SWAP70: variants seen among roughly 807,000 people sequenced by gnomAD.
SWAP70 encodes switch-associated protein 70.
A neutral mutation model predicts 80.2 loss-of-function variants in SWAP70; 34 were observed. The ratio of observed to expected loss-of-function variants is 0.42; its 90% CI spans 0.32 to 0.56. SWAP70 has a LOEUF of 0.56. SWAP70 is among the 20% of genes least tolerant of loss of function. The pLI, the probability that SWAP70 is intolerant of heterozygous loss-of-function variation, is 0.09. For synonymous variants in SWAP70, 239 were observed against 238.5 expected (o/e 1.00, Z -0.02); for missense variants, 578 against 690.7 (o/e 0.84, Z 1.83).
intron 2 of SWAP70, 138 bp downstream of exon 2, chr11:9,694,424 A>G (rs1850730625): frequency 1.6e-5 from 17 of 1,031,724 alleles, no homozygotes; most frequent in Non-Finnish European, 2.2e-5. Context: ...GGAAGAAAGA[A>G]TGAGAGACTG....
At chr11:9,748,521 C>T (rs1396527916) in intron 10 of SWAP70, among the ~76,000 whole-genome samples, 1 of 152,184 alleles carries the variant, frequency 6.6e-6, no homozygotes, top group African/African-American at 2.4e-5. Flanking sequence ...CAGCAAAGCT[C>T]ACTGGGAGGC....
rs1164489121 is a variant in SWAP70, at chr11:9,732,542, T to G, written c.912T>G (p.Thr304=). The G allele has an allele frequency of 1.2e-6, 2 of 1,606,200 alleles. No individual in the cohort carries two copies. Among genetic ancestry groups the G allele is most frequent in the Non-Finnish European group, 1.7e-6 (2 of 1,175,570 alleles). The change falls in exon 7 of 12, where the codon ACT becomes ACG. Residue 304 remains threonine (T), a synonymous_variant. Transcript: ENST00000318950. ...KQEWIQAIHS[T]IHLLKLGSPP... ...CACCTTTTACAGCCATTCATTCTAC[T>G]ATTCATCTGTTGAAGCTGGGCAGCC...
At chr11:9,688,460 A>G (rs1220775162) in intron 1 of SWAP70, among the ~76,000 whole-genome samples, 1 of 152,084 alleles carries the variant, frequency 6.6e-6, no homozygotes, top group Non-Finnish European at 1.5e-5. Flanking sequence ...CCAGGGGAGA[A>G]AGGGATGTGG....
rs543702825 is a variant in SWAP70 at position 9,709,294 on chromosome 11, A to T, written c.241-4172A>T. ...CACATGCCAACATGCTCAGCTAATTAAAAAAAATGTTTTTGGTAGAAATAA... is the reference window on the plus strand; with the variant it reads ...CACATGCCAACATGCTCAGCTAATTTAAAAAAATGTTTTTGGTAGAAATAA... On this transcript the variant is annotated intron_variant, in intron 2 of 11. Coordinates refer to ENST00000318950, the MANE Select transcript of SWAP70 (RefSeq NM_015055.4). Among the ~76,000 whole-genome samples, 3 of 69,474 alleles carry T rather than the reference A, an allele frequency of 4.3e-5. No homozygotes were observed. The South Asian group carries it at 1.1e-3, about 25-fold the overall frequency. The allele number at this position is 69,474 out of a possible 152,430, so 45.6% of individuals were successfully genotyped here.
chr11:9,667,130 G>T (rs560331738), intron 1 of SWAP70, among the ~76,000 whole-genome samples: 1 of 152,114 alleles, frequency 6.6e-6, no homozygotes, highest in South Asian at 2.1e-4. Context: ...CTCCAGAAGT[G>T]CTAGGATTAC....
intron 3 of SWAP70, among the ~76,000 whole-genome samples, chr11:9,716,386 C>T (rs1851066470): frequency 1.3e-5 from 2 of 152,082 alleles, no homozygotes; most frequent in African/African-American, 4.8e-5. Flanking sequence ...AAGTTTCAGG[C>T]CTGGGCAACT....
At chr11:9,745,672 G>T (rs756038002) in intron 9 of SWAP70, among the ~76,000 whole-genome samples, 12 of 152,206 alleles carry the variant, frequency 7.9e-5, no homozygotes, top group Non-Finnish European at 1.5e-4. Flanking sequence ...TGGTAGGCAT[G>T]TAAACACCTT....
intron 3 of SWAP70, among the ~76,000 whole-genome samples, chr11:9,724,157 G>GTATT (rs1297127648): frequency 2.0e-5 from 3 of 152,204 alleles, no homozygotes; most frequent in African/African-American, 7.2e-5. Context: ...CTCATGCTAG[G>GTATT]TATTCCACCA....
At chr11:9,699,248 C>T (rs1850800442) in intron 2 of SWAP70, among the ~76,000 whole-genome samples, 1 of 151,886 alleles carries the variant, frequency 6.6e-6, no homozygotes, top group East Asian at 1.9e-4. Flanking sequence ...GTGATAAAGC[C>T]TTATGAATAT....
At position 9,713,586 on chromosome 11, in the gene SWAP70, A is replaced by G; in HGVS notation, c.361A>G (p.Ile121Val). The change falls in exon 3 of 12, where the codon ATT becomes GTT. Residue 121 changes from isoleucine to valine, a missense_variant. Ile to Val is a conservative substitution (Grantham distance 29). Transcript: ENST00000318950. ...TEEDAFKIWV[I>V]FNFLSEDKYP... is the part of the protein sequence containing the mutation. ...AGAAGATGCATTTAAAATATGGGTT[A>G]TTTTCAACTTTTTATCTGAGGACAA... 3.7e-6 allele frequency: 6 copies of G among 1,613,932 alleles called. No individual in the cohort carries two copies. Among genetic ancestry groups the G allele is most frequent in the Non-Finnish European group, 5.1e-6 (6 of 1,179,944 alleles).
chr11:9,667,862 A>T (rs1029984401), intron 1 of SWAP70, among the ~76,000 whole-genome samples: 1 of 151,934 alleles, frequency 6.6e-6, no homozygotes, highest in Non-Finnish European at 1.5e-5. Context: ...CACCCATCCT[A>T]TTTTCACACT....
Position 9,724,801 on chromosome 11 carries a change from G to GTT in SWAP70, c.560_561dup (p.Ser188LeufsTer23), listed in dbSNP as rs1463168024. On this transcript the variant is annotated frameshift_variant, in exon 4 of 12. Coordinates refer to ENST00000318950, the MANE Select transcript of SWAP70 (RefSeq NM_015055.4). LOFTEE classifies it high-confidence loss of function. ...TTATTGAGCTTATTGGAAATGGACA[G>GTT]TTTAGCAAAGGCATGGACCGGCAGA... 1 of 1,614,062 alleles carries GTT rather than the reference G, an allele frequency of 6.2e-7. No individual in the cohort carries two copies. The highest frequency in any genetic ancestry group is 1.7e-5 in the Admixed American group (1 of 60,016).
intron 9 of SWAP70, among the ~76,000 whole-genome samples, chr11:9,742,620 C>T (rs1220800007): frequency 6.6e-6 from 1 of 152,162 alleles, no homozygotes; most frequent in Non-Finnish European, 1.5e-5. Context: ...CAGGCATGAG[C>T]CACCACGCCC....
intron 1 of SWAP70, among the ~76,000 whole-genome samples, chr11:9,671,421 A>AAT (rs1187126248): frequency 4.6e-5 from 4 of 86,362 alleles, no homozygotes; most frequent in African/African-American, 1.1e-4. Context: ...TATATTTATA[A>AAT]ATATATATAT....
In SWAP70 at chr11:9,727,972, G is replaced by A. The variant is rs1851247013; in HGVS notation, c.643-81G>A. Reference sequence around the variant, plus strand: ...TCAGGATCATATATCAAATAATGGAGTAGGCAAGTATATCAAGGAAGAGAT... The same window carrying A: ...TCAGGATCATATATCAAATAATGGAATAGGCAAGTATATCAAGGAAGAGAT... On this transcript the variant is annotated intron_variant, in intron 4 of 11. Transcript: ENST00000318950. 1.0e-5 allele frequency: 13 copies of A among 1,296,542 alleles called. No homozygotes were observed. The South Asian group carries it at 2.0e-4, about 20-fold the overall frequency. The allele number at this position is 1,296,542 out of a possible 1,614,324, so 80.3% of individuals were successfully genotyped here. A position where few individuals can be genotyped will look rare whatever the true frequency, so the allele number is the denominator to read the frequency against.
In SWAP70 at chr11:9,728,205, T is replaced by TC; in HGVS notation, c.789+7dup. The TC allele has an allele frequency of 6.3e-7, 1 of 1,592,178 alleles. No individual in the cohort carries two copies. Among genetic ancestry groups the TC allele is most frequent in the Non-Finnish European group, 8.5e-7 (1 of 1,172,298 alleles). ...ATGAAAATTGCTGTGTAGAGGTGAG[T>TC]CTACTCTTACTTCTTTGCATGATTA... On this transcript the variant is annotated splice_region_variant and intron_variant, in intron 5 of 11. Coordinates refer to ENST00000318950, the MANE Select transcript of SWAP70 (RefSeq NM_015055.4).
chr11:9,729,297 TTAAA>T, intron 5 of SWAP70, 42 bp from the exon 6 acceptor site: 1 of 1,163,540 alleles, frequency 8.6e-7, no homozygotes, highest in Non-Finnish European at 1.3e-6. Flanking sequence ...TGAATTTCAT[TTAAA>T]TACTTAAAAT....
chr11:9,694,869 A>G (rs1437158584), intron 2 of SWAP70, among the ~76,000 whole-genome samples: 1 of 152,206 alleles, frequency 6.6e-6, no homozygotes, highest in Non-Finnish European at 1.5e-5. Context: ...GGAAATGTAG[A>G]TTAGTTCAAC....
Position 9,750,888 on chromosome 11 carries a change from T to G in SWAP70, c.*918T>G, listed in dbSNP as rs1273327472. The G allele has an allele frequency of 5.3e-5, 8 of 152,196 alleles. No individual in the cohort carries two copies. The highest frequency in any genetic ancestry group is 1.7e-4 in the African/African-American group (7 of 41,454). The allele number at this position is 152,196 out of a possible 1,614,324, so 9.4% of individuals were successfully genotyped here. On this transcript the variant is annotated 3_prime_UTR_variant, in exon 12 of 12. Transcript: ENST00000318950. ...TCTAGCTTCTACTAAGATATTTCTTTCCCTAACCATCATACACTTGGCATG... is the reference window on the plus strand; with the variant it reads ...TCTAGCTTCTACTAAGATATTTCTTGCCCTAACCATCATACACTTGGCATG...
Sources: gnomAD v4.1 joint callset for allele counts (sites outside exome capture counted in the v4.1 genomes callset) on GRCh38, gnomAD v4.1.1 for gene constraint, MANE v1.5 for transcripts, NCBI Gene and HGNC (gene_info 2026-07-23, HGNC 2026-07-21) for gene names.